Variants in RAD51B observed in about 807,000 individuals in gnomAD.
The protein encoded by RAD51B is RAD51 paralog B.
RAD51B carries 38 observed loss-of-function variants against 42.2 expected under a neutral mutation model. That is an observed-to-expected ratio of 0.90 (90% confidence interval 0.70 to 1.18). The LOEUF (loss-of-function observed/expected upper bound fraction) is 1.18. RAD51B is among the 50% of genes most tolerant of loss of function. The pLI, the probability that RAD51B is intolerant of heterozygous loss-of-function variation, is 0.00. For synonymous variants in RAD51B, 154 were observed against 145.2 expected (o/e 1.06, Z -0.43); for missense variants, 373 against 400.7 (o/e 0.93, Z 0.59).
At chr14:68,011,949 G>A (rs2075691247) in intron 7 of RAD51B, among the ~76,000 whole-genome samples, 1 of 152,070 alleles carries the variant, frequency 6.6e-6, no homozygotes, top group Admixed American at 6.6e-5. Context: ...AGTGTTCAGT[G>A]TTTTATCAAT....
chr14:68,229,766 A>G (rs1362898595), intron 7 of RAD51B, among the ~76,000 whole-genome samples: 2 of 152,204 alleles, frequency 1.3e-5, no homozygotes, highest in Non-Finnish European at 2.9e-5. Context: ...ACTATACACA[A>G]CAGGGCAAGA....
chr14:67,832,472 A>G (rs1006586437), intron 3 of RAD51B, among the ~76,000 whole-genome samples: 1 of 151,384 alleles, frequency 6.6e-6, no homozygotes, highest in Non-Finnish European at 1.5e-5. Flanking sequence ...TTTTTTTTTC[A>G]TTCCAAATTT....
intron 7 of RAD51B, among the ~76,000 whole-genome samples, chr14:68,038,628 G>T (rs2076170125): frequency 6.6e-6 from 1 of 152,058 alleles, no homozygotes; most frequent in Admixed American, 6.5e-5. Context: ...ATTTATGCAA[G>T]AATTTTTTAA....
At chr14:67,971,588 A>G (rs529140195) in intron 7 of RAD51B, among the ~76,000 whole-genome samples, 1 of 152,104 alleles carries the variant, frequency 6.6e-6, no homozygotes, top group Non-Finnish European at 1.5e-5. Flanking sequence ...TGGAAAATGG[A>G]AAGATGGGAA....
intron 7 of RAD51B, among the ~76,000 whole-genome samples, chr14:67,978,814 T>G (rs375443196): frequency 6.6e-6 from 1 of 152,230 alleles, no homozygotes; most frequent in East Asian, 1.9e-4. Context: ...ATGATGTTTT[T>G]AAAACACCTT....
chr14:68,277,462 C>G (rs1273929135), intron 7 of RAD51B, among the ~76,000 whole-genome samples: 10 of 152,224 alleles, frequency 6.6e-5, no homozygotes, highest in Admixed American at 2.0e-4. Context: ...AATGTAAAGA[C>G]CATGAGATAT....
intron 7 of RAD51B, among the ~76,000 whole-genome samples, chr14:68,084,243 A>G (rs1368930846): frequency 6.6e-6 from 1 of 152,238 alleles, no homozygotes; most frequent in Non-Finnish European, 1.5e-5. Flanking sequence ...AAAGTGTCAT[A>G]TCTCATTTTA....
intron 9 of RAD51B, among the ~76,000 whole-genome samples, chr14:68,416,277 T>C (rs1261531122): frequency 2.0e-5 from 3 of 152,188 alleles, no homozygotes; most frequent in African/African-American, 7.2e-5. Context: ...GACTCAAATA[T>C]CATCACTGTG....
chr14:68,278,724 T>A (rs2081268373), intron 7 of RAD51B, among the ~76,000 whole-genome samples: 1 of 152,170 alleles, frequency 6.6e-6, no homozygotes. Context: ...CTTTCCCTGG[T>A]CCTGAGCCTG....
chr14:68,080,609 CCTT>C (rs1230898675), intron 7 of RAD51B, among the ~76,000 whole-genome samples: 2 of 152,140 alleles, frequency 1.3e-5, no homozygotes, highest in South Asian at 2.1e-4. Context: ...TGCTCAGATG[CCTT>C]CTTTTCTTTT....
intron 9 of RAD51B, among the ~76,000 whole-genome samples, chr14:68,428,513 A>C (rs184509469): frequency 2.0e-5 from 3 of 151,770 alleles, no homozygotes; most frequent in Non-Finnish European, 2.9e-5. Context: ...TATCCATTGA[A>C]AGAGAACTCC....
At chr14:68,648,329 G>A (rs1406544859) in intron 10 of RAD51B, among the ~76,000 whole-genome samples, 3 of 147,984 alleles carry the variant, frequency 2.0e-5, no homozygotes, top group Non-Finnish European at 4.5e-5. Flanking sequence ...CCAAAGTAGG[G>A]TGTGTGCAAG....
At chr14:68,203,466 C>A (rs2079529464) in intron 7 of RAD51B, among the ~76,000 whole-genome samples, 1 of 152,152 alleles carries the variant, frequency 6.6e-6, no homozygotes, top group African/African-American at 2.4e-5. Context: ...TGTCGTTCCA[C>A]TTCTAGAGCA....
chr14:68,053,739 A>G (rs977568434), intron 7 of RAD51B, among the ~76,000 whole-genome samples: 11 of 152,152 alleles, frequency 7.2e-5, no homozygotes, highest in African/African-American at 2.7e-4. Context: ...ATTTTCCTGT[A>G]AGTACCTGAA....
rs183468506 is a variant in RAD51B, at chr14:68,078,445, T to A, written c.756+191241T>A. ...GCTGAGTGACTTATGAACAGAAAATTATAGAGTAAAAATAATATGACATAT... is the reference window on the plus strand; with the variant it reads ...GCTGAGTGACTTATGAACAGAAAATAATAGAGTAAAAATAATATGACATAT... On this transcript the variant is annotated intron_variant, in intron 7 of 10. Transcript: ENST00000471583. Among the ~76,000 whole-genome samples, 120 of 152,308 alleles carry A rather than the reference T, an allele frequency of 7.9e-4. 1 individual carries two copies. The highest frequency in any genetic ancestry group is 1.4e-3 in the Non-Finnish European group (93 of 68,026).
chr14:68,366,980 G>A (rs1292384211), intron 8 of RAD51B, among the ~76,000 whole-genome samples: 4 of 152,242 alleles, frequency 2.6e-5, no homozygotes, highest in African/African-American at 9.6e-5. Flanking sequence ...CATATAAGAA[G>A]GGGATTAATA....
chr14:68,618,189 C>T (rs1314762795), intron 10 of RAD51B, among the ~76,000 whole-genome samples: 3 of 152,210 alleles, frequency 2.0e-5, no homozygotes, highest in Non-Finnish European at 4.4e-5. Flanking sequence ...GGCTATCTTA[C>T]ATTTGCTCTC....
At chr14:68,558,752 C>A (rs1230858167) in intron 10 of RAD51B, among the ~76,000 whole-genome samples, 2 of 152,214 alleles carry the variant, frequency 1.3e-5, no homozygotes, top group Non-Finnish European at 2.9e-5. Flanking sequence ...ATAATCTCAT[C>A]TCCACCTACA....
chr14:68,029,582 T>G (rs2140366981), intron 7 of RAD51B, among the ~76,000 whole-genome samples: 1 of 152,354 alleles, frequency 6.6e-6, no homozygotes, highest in Middle Eastern at 3.4e-3. Context: ...CTCATTCTAG[T>G]TCTTTTGCTG....
Sources: gnomAD v4.1 joint callset for allele counts (sites outside exome capture counted in the v4.1 genomes callset) on GRCh38, gnomAD v4.1.1 for gene constraint, MANE v1.5 for transcripts, NCBI Gene and HGNC (gene_info 2026-07-23, HGNC 2026-07-21) for gene names.